AOX1: variants seen among roughly 807,000 people sequenced by gnomAD.
AOX1 encodes the protein aldehyde oxidase 1.
In AOX1, 153 loss-of-function variants were observed where a neutral mutation model predicts 169.5. The ratio of observed to expected loss-of-function variants is 0.90; its 90% confidence interval spans 0.79 to 1.03. The LOEUF is 1.03. Ranked by LOEUF, AOX1 falls within the 50% of genes least tolerant of loss-of-function variation. The probability of loss-of-function intolerance (pLI) is 0.00; values close to 1 mark genes in which losing one functional copy is unlikely to be tolerated. For missense variants in AOX1, 1,656 were observed against 1,663.9 expected (o/e 1.00, Z 0.08); for synonymous variants, 562 against 581.9 (o/e 0.97, Z 0.49).
chr2:200,608,412 A>G (rs939377836), intron 10 of AOX1, among the ~76,000 whole-genome samples: 2 of 152,218 alleles, frequency 1.3e-5, no homozygotes, highest in East Asian at 1.9e-4. Flanking sequence ...TCAACAGCTT[A>G]CAGACTGGTT....
At chr2:200,596,819 A>T (rs1158604352) in intron 3 of AOX1, among the ~76,000 whole-genome samples, 12 of 152,116 alleles carry the variant, frequency 7.9e-5, no homozygotes, top group Admixed American at 7.9e-4. Flanking sequence ...GCATCTGATG[A>T]GCTTTGAAAA....
rs1056102055 is a variant in AOX1 at position 200,653,269 on chromosome 2, G to A, written c.3075+2068G>A. Among the ~76,000 whole-genome samples the A allele has an allele frequency of 5.9e-5, 9 of 152,310 alleles. No individual in the cohort carries two copies. In the East Asian group the frequency reaches 1.2e-3, roughly 20 times the overall value. On this transcript the variant is annotated intron_variant, in intron 26 of 34. Transcript: ENST00000374700. ...CCACCTGGGAAACTGACCAACTTAC[G>A]TGCTGAAAATATTTACTTAGGGCTG...
chr2:200,634,482 G>A (rs745496396), intron 20 of AOX1, among the ~76,000 whole-genome samples: 6 of 152,066 alleles, frequency 3.9e-5, no homozygotes, highest in Non-Finnish European at 7.4e-5. Flanking sequence ...ACATTCCTAC[G>A]CCTCTGCTAA....
chr2:200,627,234 G>T, intron 19 of AOX1, 119 bp from the exon 20 acceptor site: 1 of 682,106 alleles, frequency 1.5e-6, no homozygotes. Context: ...GAAAGTGCAC[G>T]GAACCACAAG....
intron 14 of AOX1, among the ~76,000 whole-genome samples, chr2:200,613,003 CGTGTGTGTGTGTGT>C (rs745607427): frequency 6.9e-6 from 1 of 144,128 alleles, no homozygotes. Context: ...ACTCTGTGTG[CGTGTGTGTGTGTGT>C]GTGTGTGTGT....
At chr2:200,651,919 G>A (rs1253129340) in intron 26 of AOX1, among the ~76,000 whole-genome samples, 1 of 152,008 alleles carries the variant, frequency 6.6e-6, no homozygotes, top group East Asian at 1.9e-4. Context: ...ATGGCAGCCG[G>A]GAACCCCTAT....
At chr2:200,670,347 T>G (rs1248133724) in intron 34 of AOX1, among the ~76,000 whole-genome samples, 1 of 152,174 alleles carries the variant, frequency 6.6e-6, no homozygotes, top group Non-Finnish European at 1.5e-5. Flanking sequence ...TGTGGTATCC[T>G]TCATGGTTTT....
At chr2:200,656,996 GA>G in intron 27 of AOX1, 59 bp downstream of exon 27, 7 of 1,139,940 alleles carry the variant, frequency 6.1e-6, no homozygotes, top group Non-Finnish European at 8.4e-6. Flanking sequence ...GTTCATGAGA[GA>G]AAAACTATGA....
At chr2:200,590,984 A>G (rs1385644413) in intron 1 of AOX1, among the ~76,000 whole-genome samples, 2 of 152,222 alleles carry the variant, frequency 1.3e-5, no homozygotes, top group Non-Finnish European at 1.5e-5. Flanking sequence ...AGGAGAATGC[A>G]TGCCAGGATA....
rs981791871 is a variant in AOX1 at position 200,662,956 on chromosome 2, C to T, written c.3530C>T (p.Thr1177Met). 1.5e-5 allele frequency: 25 copies of T among 1,613,710 alleles called. No homozygotes were observed. Among genetic ancestry groups the T allele is most frequent in the Non-Finnish European group, 1.9e-5 (23 of 1,179,782 alleles). ...TCCGAGGTTGAAATAGACTGCCTGACGGGGGATCATAAGGTCAGTACCGGT... is the reference window on the plus strand; with the variant it reads ...TCCGAGGTTGAAATAGACTGCCTGATGGGGGATCATAAGGTCAGTACCGGT... ...ACSEVEIDCL[T>M]GDHKNIRTDI... The change falls in exon 31 of 35, where the codon ACG becomes ATG. Residue 1177 changes from threonine (T) to methionine (M), a missense_variant. Transcript: ENST00000374700.
intron 16 of AOX1, among the ~76,000 whole-genome samples, chr2:200,618,047 G>A (rs2034803721): frequency 2.6e-5 from 4 of 152,130 alleles, no homozygotes; most frequent in Admixed American, 2.6e-4. Context: ...TGTTGGGACT[G>A]TCTCCAATCT....
chr2:200,661,565 C>T lies in AOX1; in HGVS notation c.3376-14C>T, dbSNP rs1468204319. On this transcript the variant is annotated splice_polypyrimidine_tract_variant and intron_variant, in intron 29 of 34. Coordinates refer to ENST00000374700, the MANE Select transcript of AOX1 (RefSeq NM_001159.4). The stretch of plus-strand genomic sequence containing the variant: ...GGCATCCTTGTTGCATCATGCTATG[C>T]TCTTCCTTCACAGGCACAGACTGCT... 1.9e-6 allele frequency: 3 copies of T among 1,610,460 alleles called. No individual in the cohort carries two copies. The highest frequency in any genetic ancestry group is 2.2e-5 in the East Asian group (1 of 44,856).
intron 1 of AOX1, among the ~76,000 whole-genome samples, chr2:200,592,718 T>C (rs2034199806): frequency 6.6e-6 from 1 of 152,198 alleles, no homozygotes; most frequent in African/African-American, 2.4e-5. Flanking sequence ...CAAGTCTTTT[T>C]AAAAATTAAC....
intron 3 of AOX1, among the ~76,000 whole-genome samples, chr2:200,595,790 A>G (rs1288474634): frequency 6.6e-6 from 1 of 152,132 alleles, no homozygotes; most frequent in Non-Finnish European, 1.5e-5. Context: ...GGATAATGCC[A>G]TCATCACATT....
intron 1 of AOX1, among the ~76,000 whole-genome samples, chr2:200,588,726 CTTTTTT>C (rs71807461): frequency 1.9e-5 from 1 of 53,986 alleles, no homozygotes; most frequent in Non-Finnish European, 3.9e-5. Flanking sequence ...CTAGAATAAG[CTTTTTT>C]TTTTTTTTTT....
At chr2:200,674,923 G>A (rs1319767841), downstream of AOX1, among the ~76,000 whole-genome samples, 1 of 152,268 alleles carries the variant, frequency 6.6e-6, no homozygotes, top group East Asian at 1.9e-4. Context: ...ACTATCTAAG[G>A]GCTTACACAG....
At chr2:200,639,160 C>G (rs1347762453) in intron 23 of AOX1, among the ~76,000 whole-genome samples, 1 of 152,194 alleles carries the variant, frequency 6.6e-6, no homozygotes, top group African/African-American at 2.4e-5. Context: ...CCATATTGGA[C>G]AGTGCAGACG....
intron 1 of AOX1, among the ~76,000 whole-genome samples, chr2:200,587,147 A>G (rs953173537): frequency 6.6e-6 from 1 of 151,542 alleles, no homozygotes; most frequent in Non-Finnish European, 1.5e-5. Flanking sequence ...ACAAAAAAAA[A>G]CCGGTGTGGT....
chr2:200,677,496 C>T (rs1254268245), downstream of AOX1, among the ~76,000 whole-genome samples: 1 of 152,212 alleles, frequency 6.6e-6, no homozygotes, highest in African/African-American at 2.4e-5. Context: ...TGCCACCACA[C>T]ACAAACACAT....
Sources: allele counts gnomAD v4.1 joint callset (sites outside exome capture counted in the v4.1 genomes callset), GRCh38; gene constraint gnomAD v4.1.1; transcripts MANE v1.5; gene names NCBI Gene and HGNC (gene_info 2026-07-23, HGNC 2026-07-21).